DLG2: variants seen among roughly 807,000 people sequenced by gnomAD.
The protein encoded by DLG2 is disks large homolog 2.
DLG2 carries 45 observed loss-of-function variants against 132.5 expected under a neutral mutation model. That is an observed-to-expected ratio of 0.34 (90% confidence interval 0.27 to 0.44). The LOEUF (loss-of-function observed/expected upper bound fraction) is 0.44. DLG2 is among the 20% of genes least tolerant of loss of function. DLG2 has a pLI of 1.00. For missense variants in DLG2, 1,045 were observed against 1,196.9 expected (o/e 0.87, Z 1.87); for synonymous variants, 424 against 419.6 (o/e 1.01, Z -0.13).
At chr11:85,441,314 G>A (rs1237446188) in intron 3 of DLG2, among the ~76,000 whole-genome samples, 3 of 151,880 alleles carry the variant, frequency 2.0e-5, no homozygotes, top group African/African-American at 7.3e-5. Flanking sequence ...TTTGTAAATG[G>A]TACCATCATC....
At chr11:83,767,159 G>A (rs1399488839) in intron 18 of DLG2, among the ~76,000 whole-genome samples, 4 of 152,110 alleles carry the variant, frequency 2.6e-5, no homozygotes, top group Admixed American at 6.6e-5. Context: ...GTAATCATAG[G>A]TTTTAGGTAT....
intron 19 of DLG2, among the ~76,000 whole-genome samples, chr11:83,623,231 T>C (rs1400892712): frequency 6.6e-6 from 1 of 152,192 alleles, no homozygotes; most frequent in Non-Finnish European, 1.5e-5. Flanking sequence ...ATAAGAATAG[T>C]GACTCTGGTT....
intron 5 of DLG2, among the ~76,000 whole-genome samples, chr11:85,117,658 G>T (rs2073815210): frequency 7.0e-6 from 1 of 143,754 alleles, no homozygotes; most frequent in Non-Finnish European, 1.5e-5. Context: ...AAAAAAACTA[G>T]TAAAAAAAAA....
intron 3 of DLG2, chr11:85,285,993 G>A: frequency 3.0e-6 from 1 of 336,340 alleles, no homozygotes. Flanking sequence ...TAGGAAGTCA[G>A]AGGATCCCAA....
At chr11:84,129,875 G>T (rs781265048) in intron 9 of DLG2, among the ~76,000 whole-genome samples, 16 of 151,890 alleles carry the variant, frequency 1.1e-4, no homozygotes, top group Non-Finnish European at 1.6e-4. Flanking sequence ...TAAATTTCTA[G>T]AAACCTGGTC....
At chr11:84,787,292 G>C (rs568261084) in intron 6 of DLG2, among the ~76,000 whole-genome samples, 1 of 152,178 alleles carries the variant, frequency 6.6e-6, no homozygotes, top group Admixed American at 6.5e-5. Flanking sequence ...GTCTGACCTG[G>C]CGTGCTCCAG....
At chr11:85,209,022 G>A (rs191272374) in intron 4 of DLG2, among the ~76,000 whole-genome samples, 1 of 152,240 alleles carries the variant, frequency 6.6e-6, no homozygotes, top group East Asian at 1.9e-4. Context: ...TGATAATTGA[G>A]AGGTGGCTGT....
At chr11:85,247,819 G>A (rs1401577503) in intron 4 of DLG2, among the ~76,000 whole-genome samples, 1 of 152,006 alleles carries the variant, frequency 6.6e-6, no homozygotes, top group Admixed American at 6.6e-5. Flanking sequence ...CTAAATCACA[G>A]GAGTATATAT....
chr11:83,731,958 T>G (rs1328724254), intron 18 of DLG2, among the ~76,000 whole-genome samples: 1 of 152,232 alleles, frequency 6.6e-6, no homozygotes, highest in East Asian at 1.9e-4. Flanking sequence ...GTCATTTAAA[T>G]AAATGTTAGC....
At chr11:84,530,446 T>TG in intron 7 of DLG2, among the ~76,000 whole-genome samples, 1 of 151,956 alleles carries the variant, frequency 6.6e-6, no homozygotes, top group Non-Finnish European at 1.5e-5. Context: ...AAACAATCCT[T>TG]TAAAAAAAGT....
chr11:85,181,638 T>A (rs868591860), intron 4 of DLG2, among the ~76,000 whole-genome samples: 23 of 151,942 alleles, frequency 1.5e-4, no homozygotes, highest in South Asian at 8.3e-4. Flanking sequence ...CCTGCATGCC[T>A]AGTGCTGTTT....
At chr11:85,471,448 T>G (rs1300852095) in intron 3 of DLG2, among the ~76,000 whole-genome samples, 1 of 152,100 alleles carries the variant, frequency 6.6e-6, no homozygotes. Flanking sequence ...TATAAAATGA[T>G]GGTATTTAAA....
At chr11:84,802,111 C>CAAA in intron 6 of DLG2, among the ~76,000 whole-genome samples, 1 of 130,198 alleles carries the variant, frequency 7.7e-6, no homozygotes. Flanking sequence ...AAAAAAAAAG[C>CAAA]AAAAAAAAAA....
chr11:83,831,646 C>T (rs935447965), intron 17 of DLG2, among the ~76,000 whole-genome samples: 4 of 151,930 alleles, frequency 2.6e-5, no homozygotes, highest in Admixed American at 6.6e-5. Context: ...TAAATCACAG[C>T]CATAAAATGA....
At chr11:84,324,026 T>C (rs1370068171) in intron 7 of DLG2, among the ~76,000 whole-genome samples, 3 of 152,114 alleles carry the variant, frequency 2.0e-5, no homozygotes, top group Admixed American at 2.0e-4. Flanking sequence ...TCACTCTCTT[T>C]ATCGTTTCTT....
intron 3 of DLG2, among the ~76,000 whole-genome samples, chr11:85,314,226 CT>C (rs1404766526): frequency 1.3e-5 from 2 of 151,878 alleles, no homozygotes; most frequent in African/African-American, 4.8e-5. Flanking sequence ...AAGTAATTAA[CT>C]GTTTCCTTTT....
chr11:84,273,447 G>C, intron 7 of DLG2: 1 of 657,596 alleles, frequency 1.5e-6, no homozygotes, highest in East Asian at 1.4e-4. Flanking sequence ...GGCATGACTT[G>C]AACAGAGACA....
chr11:83,921,967 T>A (rs913392535), intron 15 of DLG2, among the ~76,000 whole-genome samples: 3 of 152,142 alleles, frequency 2.0e-5, no homozygotes, highest in African/African-American at 7.2e-5. Flanking sequence ...CCAACTCTGT[T>A]ATCTCAAGGT....
At chr11:83,995,295 C>G (rs1038849197) in intron 11 of DLG2, among the ~76,000 whole-genome samples, 3 of 152,098 alleles carry the variant, frequency 2.0e-5, no homozygotes, top group Non-Finnish European at 4.4e-5. Flanking sequence ...TCATGCAAAA[C>G]TTCTGAACTT....
Sources: gnomAD v4.1 joint callset for allele counts (sites outside exome capture counted in the v4.1 genomes callset) on GRCh38, gnomAD v4.1.1 for gene constraint, MANE v1.5 for transcripts, NCBI Gene and HGNC (gene_info 2026-07-23, HGNC 2026-07-21) for gene names.